HAVCR1: variants seen among roughly 807,000 people sequenced by gnomAD.
HAVCR1 encodes the protein hepatitis A virus cellular receptor 1, also known as T cell immunoglobin domain and mucin domain protein 1.
A neutral mutation model predicts 32.0 loss-of-function variants in HAVCR1; 34 were observed. That is an observed-to-expected ratio of 1.06 (90% CI 0.81 to 1.42). The LOEUF (loss-of-function observed/expected upper bound fraction) is 1.42, where lower values mean the gene tolerates loss of function less well. Ranked by LOEUF, HAVCR1 falls within the 40% of genes most tolerant of loss-of-function variation. The pLI, the probability that HAVCR1 is intolerant of heterozygous loss-of-function variation, is 0.00. For synonymous variants in HAVCR1, 178 were observed against 170.3 expected (o/e 1.05, Z -0.35); for missense variants, 420 against 442.3 (o/e 0.95, Z 0.45).
At chr5:157,036,205 G>T (rs779099754) in intron 7 of HAVCR1, among the ~76,000 whole-genome samples, 16 of 152,024 alleles carry the variant, frequency 1.1e-4, no homozygotes, top group Non-Finnish European at 2.1e-4. Flanking sequence ...TCGGCCGGGC[G>T]TGGTGGCTCA....
At position 157,034,548 on chromosome 5, in the gene HAVCR1, A is replaced by C. The variant is rs146414964; in HGVS notation, c.953-1661T>G. ...GCAAAGAGGCCTTCCTCTTTCACTAATCCTCAGCACAGACCCTTTACGGGT... is the reference window on the plus strand; with the variant it reads ...GCAAAGAGGCCTTCCTCTTTCACTACTCCTCAGCACAGACCCTTTACGGGT... On this transcript the variant is annotated intron_variant, in intron 7 of 8. Transcript: ENST00000523175. 1.5e-3 allele frequency among the ~76,000 whole-genome samples: 219 copies of C among 150,810 alleles called. 2 individuals carry two copies. The highest frequency in any genetic ancestry group is 5.1e-3 in the African/African-American group (209 of 41,070).
upstream of HAVCR1, among the ~76,000 whole-genome samples, chr5:157,060,640 G>C (rs1561609364): frequency 6.6e-6 from 1 of 152,068 alleles, no homozygotes. Context: ...TTTAGTAATG[G>C]AGTTATTCTG....
chr5:157,055,710 A>T (rs1756088434), intron 2 of HAVCR1, among the ~76,000 whole-genome samples, 177 bp from the exon 3 acceptor site: 1 of 152,000 alleles, frequency 6.6e-6, no homozygotes, highest in Non-Finnish European at 1.5e-5. Context: ...TACTAAAAAA[A>T]AAATTACAAA....
At chr5:157,068,107 A>C in the HAVCR1 span, among the ~76,000 whole-genome samples, 1 of 152,058 alleles carries the variant, frequency 6.6e-6, no homozygotes, top group African/African-American at 2.4e-5. Context: ...CCCCAACTGT[A>C]CTAAAAATAC....
intron 7 of HAVCR1, among the ~76,000 whole-genome samples, chr5:157,034,158 C>T (rs1016953027): frequency 6.6e-6 from 1 of 152,106 alleles, no homozygotes; most frequent in Non-Finnish European, 1.5e-5. Flanking sequence ...CGGCACTTGT[C>T]TCTGAGTTCC....
chr5:157,039,168 G>T (rs1501909), intron 6 of HAVCR1, among the ~76,000 whole-genome samples: 46,688 of 151,966 alleles, frequency 0.31, 8,646 homozygotes, highest in East Asian at 0.66. Flanking sequence ...GAGCACTTTT[G>T]CCATTTTGCT....
intron 6 of HAVCR1, among the ~76,000 whole-genome samples, chr5:157,039,735 T>C (rs757783443): frequency 6.6e-6 from 1 of 152,258 alleles, no homozygotes; most frequent in Admixed American, 6.5e-5. Flanking sequence ...TATAATATTT[T>C]CATGATTATA....
rs544173377 is a variant in HAVCR1 at position 157,036,377 on chromosome 5, G to A, written c.952+870C>T. Among the ~76,000 whole-genome samples, 33 of 152,294 alleles carry A rather than the reference G, an allele frequency of 2.2e-4. No individual in the cohort carries two copies. In the South Asian group the frequency reaches 6.4e-3, roughly 30 times the overall value. On this transcript the variant is annotated intron_variant, in intron 7 of 8. Coordinates refer to ENST00000523175, the MANE Select transcript of HAVCR1 (RefSeq NM_001173393.3). ...GCCTGTAGTCCCAGCTACTCAGGAG[G>A]CTGAGGCAGGAGAATGGCTTGAACT... is the stretch of plus-strand genomic sequence containing the variant.
At chr5:157,049,478 A>G (rs904343372) in intron 4 of HAVCR1, among the ~76,000 whole-genome samples, 5 of 152,258 alleles carry the variant, frequency 3.3e-5, no homozygotes, top group Non-Finnish European at 1.5e-5. Context: ...CTAAATAGAC[A>G]AAGCCAACAA....
intron 7 of HAVCR1, 46 bp from the exon 8 acceptor site, chr5:157,032,933 C>T (rs1754262614): frequency 2.7e-6 from 3 of 1,131,196 alleles, no homozygotes; most frequent in Non-Finnish European, 2.6e-6. Context: ...GAAAACTAAA[C>T]ATCTCAGCAA....
chr5:157,059,492 C>G (rs41297577), upstream of HAVCR1, among the ~76,000 whole-genome samples: 40,666 of 151,782 alleles, frequency 0.27, 6,655 homozygotes, highest in African/African-American at 0.45. Context: ...CTGGCTAACA[C>G]GGTGAAACCC....
Position 157,042,694 on chromosome 5 carries a change from G to C in HAVCR1, c.782-12C>G. ...GGTGTCATTCCCATCTACTCAACAA[G>C]AAGGAAATTTAATTAGAATTACAAA... is the stretch of plus-strand genomic sequence containing the variant. On this transcript the variant is annotated splice_polypyrimidine_tract_variant and intron_variant, in intron 5 of 8. Transcript: ENST00000523175. 1 of 1,515,196 alleles carries C rather than the reference G, an allele frequency of 6.6e-7. No individual in the cohort carries two copies. Among genetic ancestry groups the C allele is most frequent in the Non-Finnish European group, 9.1e-7 (1 of 1,094,806 alleles). 93.9% of individuals were successfully genotyped at this position (1,515,196 alleles called of 1,614,324 possible).
chr5:157,037,923 A>C (rs1327587745), intron 6 of HAVCR1, among the ~76,000 whole-genome samples: 1 of 152,074 alleles, frequency 6.6e-6, no homozygotes, highest in Non-Finnish European at 1.5e-5. Context: ...CGGAGGCAAA[A>C]AATTGCTTGA....
chr5:157,054,557 A>G (rs1756000617), intron 3 of HAVCR1, among the ~76,000 whole-genome samples: 1 of 152,202 alleles, frequency 6.6e-6, no homozygotes, highest in Non-Finnish European at 1.5e-5. Context: ...GAATAAATTC[A>G]GCTTGATAAA....
At chr5:157,055,151 C>G (rs776615223) in intron 3 of HAVCR1, 50 bp downstream of exon 3, 5 of 1,017,896 alleles carry the variant, frequency 4.9e-6, no homozygotes, top group East Asian at 2.4e-5. Flanking sequence ...AAAATTACTA[C>G]CGAACAGAAA....
intron 4 of HAVCR1, among the ~76,000 whole-genome samples, chr5:157,051,297 A>G (rs890769868): frequency 1.3e-5 from 2 of 152,214 alleles, no homozygotes; most frequent in Admixed American, 1.3e-4. Context: ...CACTGTACAT[A>G]AATAAATTAA....
intron 5 of HAVCR1, among the ~76,000 whole-genome samples, chr5:157,046,080 G>A (rs1217888235): frequency 6.6e-6 from 1 of 152,112 alleles, no homozygotes; most frequent in Non-Finnish European, 1.5e-5. Flanking sequence ...ACGAAATGTC[G>A]CCATTATCTA....
chr5:157,041,867 T>C (rs1191526288), intron 6 of HAVCR1, among the ~76,000 whole-genome samples: 1 of 152,180 alleles, frequency 6.6e-6, no homozygotes, highest in Non-Finnish European at 1.5e-5. Flanking sequence ...GAGACTAGCC[T>C]GGCCAACATG....
the HAVCR1 span, among the ~76,000 whole-genome samples, chr5:157,065,337 G>C: frequency 6.6e-6 from 1 of 152,032 alleles, no homozygotes; most frequent in African/African-American, 2.4e-5. Context: ...TTAAAGCCAG[G>C]AGCCTGAATG....
Sources: allele counts gnomAD v4.1 joint callset (sites outside exome capture counted in the v4.1 genomes callset), GRCh38; gene constraint gnomAD v4.1.1; transcripts MANE v1.5; gene names NCBI Gene and HGNC (gene_info 2026-07-23, HGNC 2026-07-21).